Variants in UNC13C observed in about 807,000 individuals in gnomAD.
UNC13C encodes the protein unc-13 homolog C.
In UNC13C, 174 loss-of-function variants were observed where a neutral mutation model predicts 245.4. The ratio of observed to expected loss-of-function variants is 0.71; its 90% confidence interval spans 0.63 to 0.80. UNC13C has a LOEUF of 0.80. UNC13C is among the 30% of genes least tolerant of loss of function. The pLI is 0.00. For missense variants in UNC13C, 2,829 were observed against 2,602.9 expected (o/e 1.09, Z -1.89); for synonymous variants, 992 against 895.1 (o/e 1.11, Z -1.93).
chr15:53,983,724 C>G lies in UNC13C; in HGVS notation c.-257+4797C>G, dbSNP rs138370627. On this transcript the variant is annotated intron_variant, in intron 1 of 32. Transcript: ENST00000260323. ...CTGATACTCTCTTTCTACTTTTTGT[C>G]TCGGTGACCTGAATTTCTTCAGTAG... Among the ~76,000 whole-genome samples, 4 of 151,952 alleles carry G rather than the reference C, an allele frequency of 2.6e-5. No individual in the cohort carries two copies. The East Asian group carries it at 7.8e-4, about 30-fold the overall frequency.
intron 14 of UNC13C, among the ~76,000 whole-genome samples, chr15:54,326,742 T>C (rs547117776): frequency 6.6e-6 from 1 of 152,060 alleles, no homozygotes; most frequent in East Asian, 1.9e-4. Context: ...GTTAACATTT[T>C]GCAAGGGAAG....
At chr15:54,038,118 A>ATTTTTTTTTTTTTT (rs1297641805) in intron 2 of UNC13C, among the ~76,000 whole-genome samples, 7 of 28,782 alleles carry the variant, frequency 2.4e-4, no homozygotes, top group African/African-American at 7.7e-4. Context: ...ATATATATAT[A>ATTTTTTTTTTTTTT]TATATATTTT....
At chr15:53,896,979 A>G in the UNC13C span, among the ~76,000 whole-genome samples, 38 of 152,214 alleles carry the variant, frequency 2.5e-4, no homozygotes, top group Non-Finnish European at 4.1e-4. Context: ...TAGTTAGGTT[A>G]CTGAGGTTTT....
At chr15:54,143,264 C>G (rs915744913) in intron 3 of UNC13C, among the ~76,000 whole-genome samples, 1 of 152,162 alleles carries the variant, frequency 6.6e-6, no homozygotes, top group South Asian at 2.1e-4. Context: ...ACTTGCCAAC[C>G]TAGGGGTCTG....
chr15:54,574,365 A>G (rs1897874935), intron 30 of UNC13C, among the ~76,000 whole-genome samples: 1 of 152,192 alleles, frequency 6.6e-6, no homozygotes, highest in South Asian at 2.1e-4. Context: ...AGAAGCTGGT[A>G]GAAAATTCAT....
At chr15:54,241,044 T>C (rs2140843512) in intron 7 of UNC13C, among the ~76,000 whole-genome samples, 1 of 152,336 alleles carries the variant, frequency 6.6e-6, no homozygotes, top group Admixed American at 6.5e-5. Context: ...GATACTTAAT[T>C]TTGTATCCAC....
chr15:53,952,706 G>A, the UNC13C span, among the ~76,000 whole-genome samples: 2 of 152,176 alleles, frequency 1.3e-5, no homozygotes, highest in Non-Finnish European at 2.9e-5. Flanking sequence ...CCGCTGTGCT[G>A]GCACTTGATT....
chr15:54,332,305 C>CCGTGTGTGTGTG (rs1555450462), intron 15 of UNC13C, among the ~76,000 whole-genome samples, 194 bp downstream of exon 15: 1 of 145,584 alleles, frequency 6.9e-6, no homozygotes, highest in Admixed American at 6.9e-5. Flanking sequence ...CAACAATACT[C>CCGTGTGTGTGTG]TGTGTGTGTG....
the UNC13C span, among the ~76,000 whole-genome samples, chr15:53,928,787 C>T: frequency 6.6e-6 from 1 of 152,182 alleles, no homozygotes; most frequent in Non-Finnish European, 1.5e-5. Context: ...TCTAACTTAG[C>T]ATTTCACCCA....
chr15:54,503,501 G>C lies in UNC13C; in HGVS notation c.5301+2523G>C, dbSNP rs572342554. 1.1e-3 allele frequency among the ~76,000 whole-genome samples: 162 copies of C among 148,096 alleles called. 1 individual carries two copies. Among genetic ancestry groups the C allele is most frequent in the African/African-American group, 4.0e-3 (160 of 39,974 alleles). On this transcript the variant is annotated intron_variant, in intron 22 of 32. Coordinates refer to ENST00000260323, the MANE Select transcript of UNC13C (RefSeq NM_001080534.3). ...ACTGGAGTGCAGTGGCACAATCTCC[G>C]CTCACTGCAACCTTCACCTCCCGGG...
At chr15:54,466,065 C>CAT (rs1294099643) in intron 19 of UNC13C, among the ~76,000 whole-genome samples, 3 of 151,862 alleles carry the variant, frequency 2.0e-5, no homozygotes, top group Non-Finnish European at 4.4e-5. Context: ...AAGGTTATTA[C>CAT]ATTTAATGAA....
intron 1 of UNC13C, among the ~76,000 whole-genome samples, chr15:54,002,457 A>C (rs962277883): frequency 6.6e-6 from 1 of 152,178 alleles, no homozygotes; most frequent in Non-Finnish European, 1.5e-5. Flanking sequence ...AGATTAATCC[A>C]AATAAGAGAC....
chr15:54,427,918 C>A (rs1052061162), intron 19 of UNC13C, among the ~76,000 whole-genome samples: 5 of 151,724 alleles, frequency 3.3e-5, no homozygotes, highest in Admixed American at 6.6e-5. Context: ...TTAAGTGATA[C>A]CTATTTTCTC....
intron 19 of UNC13C, among the ~76,000 whole-genome samples, chr15:54,446,317 C>G (rs952158637): frequency 6.6e-6 from 1 of 152,060 alleles, no homozygotes; most frequent in African/African-American, 2.4e-5. Context: ...TAATTTTTTT[C>G]CAATTCTGTG....
chr15:54,459,541 G>A (rs1466066645), intron 19 of UNC13C, among the ~76,000 whole-genome samples: 6 of 151,934 alleles, frequency 3.9e-5, no homozygotes, highest in Non-Finnish European at 5.9e-5. Flanking sequence ...TTATTCTTAC[G>A]TTTGGTTGTT....
chr15:54,462,122 G>C (rs1891880899), intron 19 of UNC13C, among the ~76,000 whole-genome samples: 1 of 152,158 alleles, frequency 6.6e-6, no homozygotes, highest in Admixed American at 6.5e-5. Flanking sequence ...CCTTTGCCAG[G>C]GGTGTGACAA....
At chr15:53,956,724 G>T in the UNC13C span, among the ~76,000 whole-genome samples, 1 of 151,688 alleles carries the variant, frequency 6.6e-6, no homozygotes, top group Non-Finnish European at 1.5e-5. Context: ...GTAGTTGAAG[G>T]AATTCTGAGT....
At chr15:54,083,211 G>A (rs1453554221) in intron 2 of UNC13C, among the ~76,000 whole-genome samples, 1 of 152,082 alleles carries the variant, frequency 6.6e-6, no homozygotes, top group Non-Finnish European at 1.5e-5. Context: ...TCCCTATCAT[G>A]GCCCTGTTGC....
rs137856909 is a variant in UNC13C at position 54,178,589 on chromosome 15, G to A, written c.3071+34905G>A. 1.1e-4 allele frequency among the ~76,000 whole-genome samples: 16 copies of A among 152,208 alleles called. No individual in the cohort carries two copies. In the East Asian group the frequency reaches 2.9e-3, roughly 28 times the overall value. ...TTCCAAGAGGGATAAGCCTTTCCAA[G>A]GTGCAAAACGGATGCCTGTTGTTTT... On this transcript the variant is annotated intron_variant, in intron 4 of 32. Transcript: ENST00000260323.
Sources: allele counts gnomAD v4.1 joint callset (sites outside exome capture counted in the v4.1 genomes callset), GRCh38; gene constraint gnomAD v4.1.1; transcripts MANE v1.5; gene names NCBI Gene and HGNC (gene_info 2026-07-23, HGNC 2026-07-21).